Variants in SUZ12 observed in about 807,000 individuals in gnomAD.
SUZ12 encodes polycomb protein SUZ12.
Under a neutral mutation model 87.3 loss-of-function variants are expected in SUZ12, and 17 were observed. The observed-to-expected ratio is 0.19, with a 90% CI of 0.13 to 0.29. SUZ12 has a LOEUF of 0.29. SUZ12 is among the 10% of genes least tolerant of loss of function. SUZ12 has a pLI of 1.00. For missense variants in SUZ12, 526 were observed against 912.2 expected (o/e 0.58, Z 5.45); for synonymous variants, 253 against 312.4 (o/e 0.81, Z 2.01).
At chr17:31,953,354 A>G (rs1214929038) in intron 4 of SUZ12, among the ~76,000 whole-genome samples, 1 of 152,038 alleles carries the variant, frequency 6.6e-6, no homozygotes, top group Non-Finnish European at 1.5e-5. Flanking sequence ...CAGGTGGTCC[A>G]TCCGCCTCGA....
chr17:31,979,940 A>G (rs1383094352), intron 8 of SUZ12, among the ~76,000 whole-genome samples: 2 of 152,102 alleles, frequency 1.3e-5, no homozygotes, highest in Non-Finnish European at 2.9e-5. Context: ...GCATTTTTAT[A>G]TAAAGAAGAG....
At chr17:31,946,146 A>G (rs1906622562) in intron 3 of SUZ12, among the ~76,000 whole-genome samples, 1 of 152,188 alleles carries the variant, frequency 6.6e-6, no homozygotes, top group Non-Finnish European at 1.5e-5. Context: ...CTTGAAATAT[A>G]GATTGTATCA....
At chr17:31,949,268 G>A (rs892914595) in intron 4 of SUZ12, among the ~76,000 whole-genome samples, 1 of 152,112 alleles carries the variant, frequency 6.6e-6, no homozygotes, top group African/African-American at 2.4e-5. Flanking sequence ...CAGTAATTTT[G>A]TTCCTTTTGA....
At position 31,994,023 on chromosome 17, in the gene SUZ12, A is replaced by G. The variant is rs764762387; in HGVS notation, c.1437+15A>G. The stretch of plus-strand genomic sequence containing the variant: ...TCAACTATGTTGTGAGTAATTTTTC[A>G]TATTTTCTCAATTTGTGTTAAGAAA... On this transcript the variant is annotated intron_variant, in intron 12 of 15. Coordinates refer to ENST00000322652, the MANE Select transcript of SUZ12 (RefSeq NM_015355.4). The G allele has an allele frequency of 3.1e-6, 5 of 1,607,292 alleles. No individual in the cohort carries two copies. Among genetic ancestry groups the G allele is most frequent in the Non-Finnish European group, 4.2e-6 (5 of 1,177,952 alleles).
At chr17:31,971,723 C>G (rs1352973502) in intron 5 of SUZ12, among the ~76,000 whole-genome samples, 2 of 152,084 alleles carry the variant, frequency 1.3e-5, no homozygotes, top group Non-Finnish European at 2.9e-5. Context: ...AGCCACCACA[C>G]CTGGCCCTCC....
intron 4 of SUZ12, among the ~76,000 whole-genome samples, chr17:31,948,627 CTTCT>C (rs1271586845): frequency 6.6e-6 from 1 of 151,968 alleles, no homozygotes; most frequent in Non-Finnish European, 1.5e-5. Flanking sequence ...GTTTGGCTTC[CTTCT>C]ATTTTAAGTT....
chr17:31,995,169 A>T (rs762126726), intron 13 of SUZ12, among the ~76,000 whole-genome samples: 1 of 152,090 alleles, frequency 6.6e-6, no homozygotes, highest in Non-Finnish European at 1.5e-5. Flanking sequence ...AAAAATTTTT[A>T]AGGCAGGTGT....
At chr17:31,976,414 C>T (rs1294611230) in intron 7 of SUZ12, 107 bp from the exon 8 acceptor site, 23 of 906,164 alleles carry the variant, frequency 2.5e-5, no homozygotes, top group Non-Finnish European at 3.7e-5. Flanking sequence ...TAGTGTAATT[C>T]GTACCTCATT....
chr17:31,981,435 T>C (rs1909096248), intron 8 of SUZ12, among the ~76,000 whole-genome samples: 2 of 152,194 alleles, frequency 1.3e-5, no homozygotes, highest in Admixed American at 1.3e-4. Flanking sequence ...AAGCACTTGA[T>C]CAGGCTGTGG....
At chr17:31,944,938 C>T (rs148141160) in intron 3 of SUZ12, among the ~76,000 whole-genome samples, 2 of 151,820 alleles carry the variant, frequency 1.3e-5, no homozygotes, top group African/African-American at 2.4e-5. Context: ...CGTGGTGGCT[C>T]ATGACTATAG....
intron 3 of SUZ12, among the ~76,000 whole-genome samples, chr17:31,944,596 CTG>C (rs1424599191): frequency 6.6e-6 from 1 of 151,584 alleles, no homozygotes; most frequent in African/African-American, 2.4e-5. Flanking sequence ...AAAAAAAAGT[CTG>C]GGGAATTTTT....
chr17:31,979,656 C>T (rs1401299314), intron 8 of SUZ12, among the ~76,000 whole-genome samples: 5 of 152,180 alleles, frequency 3.3e-5, no homozygotes, highest in Non-Finnish European at 5.9e-5. Context: ...GTGTTCTTTA[C>T]GTACTACATC....
intron 6 of SUZ12, among the ~76,000 whole-genome samples, chr17:31,973,920 T>C (rs1463626071): frequency 6.6e-6 from 1 of 152,082 alleles, no homozygotes; most frequent in Non-Finnish European, 1.5e-5. Flanking sequence ...GCAGTGGAAC[T>C]TTATTTTTGA....
At chr17:31,992,248 T>C (rs111454793) in intron 10 of SUZ12, among the ~76,000 whole-genome samples, 16,203 of 151,886 alleles carry the variant, frequency 0.11, 1,058 homozygotes, top group Middle Eastern at 0.15. Flanking sequence ...GCTGAGATTG[T>C]GCCACTGCAC....
chr17:31,972,127 T>C (rs892687903), intron 5 of SUZ12, among the ~76,000 whole-genome samples: 3 of 150,968 alleles, frequency 2.0e-5, no homozygotes, highest in Non-Finnish European at 3.0e-5. Context: ...CTACTTAAAA[T>C]TAAAAAAATC....
At chr17:31,949,233 A>G (rs540188533) in intron 4 of SUZ12, among the ~76,000 whole-genome samples, 8 of 152,162 alleles carry the variant, frequency 5.3e-5, no homozygotes, top group Non-Finnish European at 8.8e-5. Context: ...CATACTGTTC[A>G]ATTCTCTCTG....
chr17:31,962,067 A>G (rs1907753896), intron 4 of SUZ12, among the ~76,000 whole-genome samples: 1 of 152,234 alleles, frequency 6.6e-6, no homozygotes, highest in Middle Eastern at 3.2e-3. Context: ...TAAAGTGGTC[A>G]TTTAGCTCTT....
intron 9 of SUZ12, among the ~76,000 whole-genome samples, chr17:31,983,504 A>C (rs1486935336): frequency 4.0e-5 from 6 of 151,488 alleles, no homozygotes; most frequent in African/African-American, 1.5e-4. Flanking sequence ...CTAGTCTGGA[A>C]CTCCTGACCT....
At chr17:31,997,816 C>T (rs2142220894) in intron 15 of SUZ12, among the ~76,000 whole-genome samples, 1 of 152,214 alleles carries the variant, frequency 6.6e-6, no homozygotes, top group Non-Finnish European at 1.5e-5. Context: ...TGAAAATTAC[C>T]ACAGTTATTA....
Sources: allele counts gnomAD v4.1 joint callset (sites outside exome capture counted in the v4.1 genomes callset), GRCh38; gene constraint gnomAD v4.1.1; transcripts MANE v1.5; gene names NCBI Gene and HGNC (gene_info 2026-07-23, HGNC 2026-07-21).